The following CCDC126 variants were observed in gnomAD, a reference collection of about 807,000 sequenced individuals.
CCDC126 encodes the protein coiled-coil domain containing 126.
Under a neutral mutation model 11.7 loss-of-function variants are expected in CCDC126, and 5 were observed. The observed-to-expected ratio is 0.43, with a 90% confidence interval of 0.22 to 0.90. The LOEUF is 0.90. Among genes scored for constraint, CCDC126 ranks in the 40% least tolerant of loss-of-function variants. The pLI, the probability that CCDC126 is intolerant of heterozygous loss-of-function variation, is 0.27. For missense variants in CCDC126, 150 were observed against 163.1 expected (o/e 0.92, Z 0.44); for synonymous variants, 60 against 61.9 (o/e 0.97, Z 0.14).
chr7:23,610,041 T>C (rs1319515292), intron 2 of CCDC126, among the ~76,000 whole-genome samples: 1 of 152,208 alleles, frequency 6.6e-6, no homozygotes, highest in Non-Finnish European at 1.5e-5. Context: ...TTCACACCTT[T>C]TTTACTCTCC....
At chr7:23,627,803 A>G (rs909341469) in intron 3 of CCDC126, among the ~76,000 whole-genome samples, 1 of 151,984 alleles carries the variant, frequency 6.6e-6, no homozygotes, top group Non-Finnish European at 1.5e-5. Context: ...TCTGTTGCCC[A>G]GGCTGATCTC....
intron 2 of CCDC126, among the ~76,000 whole-genome samples, chr7:23,609,370 A>G (rs758977055): frequency 7.9e-5 from 12 of 151,986 alleles, no homozygotes; most frequent in African/African-American, 1.2e-4. Flanking sequence ...TTTAGTAGAG[A>G]TGGGCTTTCA....
chr7:23,635,891 C>T (rs1358217833), intron 3 of CCDC126, among the ~76,000 whole-genome samples: 1 of 151,648 alleles, frequency 6.6e-6, no homozygotes, highest in African/African-American at 2.4e-5. Flanking sequence ...CTCCCTCTCC[C>T]TCTCCCCACG....
chr7:23,637,997 C>G (rs1245760914), intron 3 of CCDC126, among the ~76,000 whole-genome samples: 1 of 132,148 alleles, frequency 7.6e-6, no homozygotes, highest in African/African-American at 2.7e-5. Context: ...GCCAGCCGCC[C>G]TATCCAGGAG....
At chr7:23,610,913 A>G (rs933329760) in intron 2 of CCDC126, among the ~76,000 whole-genome samples, 9 of 152,172 alleles carry the variant, frequency 5.9e-5, no homozygotes, top group Non-Finnish European at 1.2e-4. Flanking sequence ...CAAATGAGAA[A>G]CAATTTGAAG....
intron 2 of CCDC126, 26 bp downstream of exon 2, chr7:23,598,077 T>A (rs547959240): frequency 6.6e-6 from 1 of 152,262 alleles, no homozygotes; most frequent in Non-Finnish European, 1.5e-5. Context: ...AACTGCCGTG[T>A]TGATTGTTGA....
At chr7:23,637,200 A>G (rs1433179459) in intron 3 of CCDC126, among the ~76,000 whole-genome samples, 21 of 34,836 alleles carry the variant, frequency 6.0e-4, no homozygotes, top group African/African-American at 8.8e-4. Flanking sequence ...TCCGGGAGGG[A>G]GGTGGGGGGG....
intron 3 of CCDC126, among the ~76,000 whole-genome samples, chr7:23,613,739 A>G (rs960112258): frequency 6.6e-6 from 1 of 152,212 alleles, no homozygotes; most frequent in Non-Finnish European, 1.5e-5. Context: ...ATAAAGGCAT[A>G]CCTCAGAGAT....
At chr7:23,636,893 G>C (rs1783236112) in intron 3 of CCDC126, among the ~76,000 whole-genome samples, 1 of 93,886 alleles carries the variant, frequency 1.1e-5, no homozygotes, top group African/African-American at 4.3e-5. Flanking sequence ...CCGTCCAGGA[G>C]GGAGGTGGGG....
At chr7:23,602,944 C>T (rs1194752369) in intron 2 of CCDC126, among the ~76,000 whole-genome samples, 1 of 152,150 alleles carries the variant, frequency 6.6e-6, no homozygotes, top group African/African-American at 2.4e-5. Flanking sequence ...TGGTTCCTGG[C>T]ACATGGTAGG....
intron 3 of CCDC126, among the ~76,000 whole-genome samples, chr7:23,613,870 G>T (rs1047080058): frequency 1.2e-4 from 19 of 152,176 alleles, no homozygotes; most frequent in Non-Finnish European, 2.1e-4. Context: ...AATCTCTTAA[G>T]TGTGCAGTAG....
chr7:23,638,502 A>T (rs1783285533), intron 3 of CCDC126, among the ~76,000 whole-genome samples: 1 of 115,838 alleles, frequency 8.6e-6, no homozygotes, highest in Non-Finnish European at 1.7e-5. Flanking sequence ...TTTGTTAAAC[A>T]GATGCTTGAA....
At chr7:23,628,050 G>GTAA (rs2128019730) in intron 3 of CCDC126, among the ~76,000 whole-genome samples, 1 of 152,164 alleles carries the variant, frequency 6.6e-6, no homozygotes, top group Admixed American at 6.5e-5. Context: ...TATTGTATAA[G>GTAA]TAATGAATGG....
At chr7:23,603,811 T>G (rs1782578679) in intron 2 of CCDC126, among the ~76,000 whole-genome samples, 1 of 152,178 alleles carries the variant, frequency 6.6e-6, no homozygotes, top group African/African-American at 2.4e-5. Flanking sequence ...CATAAGGCAT[T>G]TCTCAGTGAC....
chr7:23,604,127 T>G (rs766892235), intron 2 of CCDC126: 15 of 152,222 alleles, frequency 9.9e-5, no homozygotes, highest in Non-Finnish European at 1.9e-4. Context: ...AACATGCTAT[T>G]ATGTCATCTT....
intron 3 of CCDC126, among the ~76,000 whole-genome samples, chr7:23,612,369 G>A (rs1445962583): frequency 6.7e-6 from 1 of 149,110 alleles, no homozygotes; most frequent in South Asian, 2.1e-4. Context: ...GGAGACTGAG[G>A]CAGGATGAGG....
At chr7:23,610,072 A>T (rs557301906) in intron 2 of CCDC126, among the ~76,000 whole-genome samples, 15 of 152,096 alleles carry the variant, frequency 9.9e-5, no homozygotes, top group African/African-American at 3.6e-4. Flanking sequence ...AGATTCTGTG[A>T]TTAACACCTT....
At chr7:23,599,801 G>A (rs1782501740) in intron 2 of CCDC126, among the ~76,000 whole-genome samples, 1 of 152,044 alleles carries the variant, frequency 6.6e-6, no homozygotes, top group African/African-American at 2.4e-5. Context: ...AGTTAGTTTA[G>A]TTTGAGACAG....
chr7:23,631,810 GA>G (rs1335633898), intron 3 of CCDC126, among the ~76,000 whole-genome samples: 2 of 151,056 alleles, frequency 1.3e-5, no homozygotes, highest in African/African-American at 2.4e-5. Flanking sequence ...CCCCCACCCT[GA>G]AAAAAAATCT....
Sources: allele counts gnomAD v4.1 joint callset (sites outside exome capture counted in the v4.1 genomes callset), GRCh38; gene constraint gnomAD v4.1.1; transcripts MANE v1.5; gene names NCBI Gene and HGNC (gene_info 2026-07-23, HGNC 2026-07-21).